ROCK1: variants seen among roughly 807,000 people sequenced by gnomAD.
ROCK1 encodes Rho associated coiled-coil containing protein kinase 1.
In ROCK1, 36 loss-of-function variants were observed where a neutral mutation model predicts 196.8. The observed-to-expected ratio is 0.18, with a 90% confidence interval of 0.14 to 0.24. The LOEUF (loss-of-function observed/expected upper bound fraction) is 0.24. Ranked by LOEUF, ROCK1 falls within the 10% of genes least tolerant of loss-of-function variation. The pLI, the probability that ROCK1 is intolerant of heterozygous loss-of-function variation, is 1.00. For synonymous variants in ROCK1, 443 were observed against 515.9 expected, an observed-to-expected ratio of 0.86 and a Z score of 1.91; for missense variants, 920 against 1,562.0, an observed-to-expected ratio of 0.59 and a Z score of 6.93.
At chr18:21,026,728 A>C (rs182554045) in intron 10 of ROCK1, among the ~76,000 whole-genome samples, 5 of 152,208 alleles carry the variant, frequency 3.3e-5, no homozygotes, top group Admixed American at 3.3e-4. Context: ...AAGACCCTTC[A>C]CTTTAAAATA....
At chr18:20,957,972 G>A (rs188733724) in intron 29 of ROCK1, among the ~76,000 whole-genome samples, 85 of 152,148 alleles carry the variant, frequency 5.6e-4, no homozygotes, top group Non-Finnish European at 1.1e-3. Context: ...AAAGAAATAC[G>A]ATTTTTTTAA....
chr18:21,094,110 T>C (rs1225813204), intron 1 of ROCK1, among the ~76,000 whole-genome samples: 1 of 152,198 alleles, frequency 6.6e-6, no homozygotes, highest in East Asian at 1.9e-4. Flanking sequence ...TCCAGTGCTG[T>C]AGGCAGCCAT....
intron 9 of ROCK1, among the ~76,000 whole-genome samples, chr18:21,037,845 T>C (rs1236049745): frequency 2.6e-5 from 4 of 152,098 alleles, no homozygotes; most frequent in Admixed American, 6.6e-5. Flanking sequence ...GTGTCTGAAA[T>C]TGAACAGTGA....
intron 29 of ROCK1, among the ~76,000 whole-genome samples, chr18:20,959,106 T>TATAAA (rs1370242195): frequency 2.2e-5 from 1 of 45,372 alleles, no homozygotes; most frequent in Non-Finnish European, 3.1e-5. Context: ...ATATATATTA[T>TATAAA]ATATATATTA....
rs114824452 is a variant in ROCK1 at position 21,020,035 on chromosome 18, G to A, written c.1361+116C>T. On this transcript the variant is annotated intron_variant, in intron 12 of 32. Transcript: ENST00000399799. ...ACACATCATGAATGTATTATCAGTA[G>A]TAATCTTTACATCCTCATTTTCTAT... 3.3e-3 allele frequency: 1,832 copies of A among 563,378 alleles called. 25 individuals are homozygous for A. In the African/African-American group the frequency reaches 0.033, roughly 10 times the overall value. The allele number at this position is 563,378 out of a possible 1,614,324, so 34.9% of individuals were successfully genotyped here. A position where few individuals can be genotyped will look rare whatever the true frequency, so the allele number is the denominator to read the frequency against.
intron 21 of ROCK1, among the ~76,000 whole-genome samples, chr18:20,981,912 T>C (rs1314202400): frequency 6.6e-6 from 1 of 152,230 alleles, no homozygotes; most frequent in African/African-American, 2.4e-5. Flanking sequence ...AATAATCTGA[T>C]TTGAAAACCC....
chr18:21,067,832 C>T (rs1222556944), intron 2 of ROCK1, among the ~76,000 whole-genome samples: 1 of 152,154 alleles, frequency 6.6e-6, no homozygotes, highest in African/African-American at 2.4e-5. Flanking sequence ...AGATTTCAAC[C>T]TATGTTTTCT....
At chr18:20,959,092 TAATATATATATTA>T (rs2035290790) in intron 29 of ROCK1, among the ~76,000 whole-genome samples, 1 of 32,476 alleles carries the variant, frequency 3.1e-5, no homozygotes, top group Non-Finnish European at 4.6e-5. Context: ...ATATTTTATA[TAATATATATATTA>T]TATATATATT....
Position 20,969,108 on chromosome 18 carries a change from T to C in ROCK1, c.2914+7A>G. The C allele has an allele frequency of 6.5e-7, 1 of 1,539,118 alleles. No homozygotes were observed. Among genetic ancestry groups the C allele is most frequent in the Non-Finnish European group, 8.9e-7 (1 of 1,121,616 alleles). On this transcript the variant is annotated splice_region_variant and intron_variant, in intron 24 of 32. Coordinates refer to ENST00000399799, the MANE Select transcript of ROCK1 (RefSeq NM_005406.3). The stretch of plus-strand genomic sequence containing the variant: ...TAACATGATGATTTTTTAAAAATTC[T>C]ACATACCTTCCTCTGCCTTCTTCAT...
At chr18:20,959,063 T>TATATATA (rs1568367312) in intron 29 of ROCK1, among the ~76,000 whole-genome samples, 1 of 48,046 alleles carries the variant, frequency 2.1e-5, no homozygotes, top group African/African-American at 2.1e-4. Flanking sequence ...TATATTATAT[T>TATATATA]TTATATTATA....
chr18:21,064,144 G>T (rs1372924922), intron 2 of ROCK1, among the ~76,000 whole-genome samples: 2 of 151,982 alleles, frequency 1.3e-5, no homozygotes, highest in African/African-American at 4.8e-5. Flanking sequence ...AAAAGCCCCA[G>T]CCTGCCATTT....
intron 22 of ROCK1, among the ~76,000 whole-genome samples, chr18:20,972,644 C>G (rs984005537): frequency 3.3e-5 from 5 of 152,128 alleles, no homozygotes; most frequent in Non-Finnish European, 5.9e-5. Flanking sequence ...GACATTTTCT[C>G]AAGAGAGTAA....
chr18:21,074,975 T>C (rs1180302798), intron 1 of ROCK1, among the ~76,000 whole-genome samples: 2 of 152,012 alleles, frequency 1.3e-5, no homozygotes, highest in Admixed American at 1.3e-4. Flanking sequence ...AGAATGAGGA[T>C]AGAATGTTCT....
At chr18:20,990,614 A>C (rs1224080963) in intron 18 of ROCK1, among the ~76,000 whole-genome samples, 1 of 144,764 alleles carries the variant, frequency 6.9e-6, no homozygotes, top group African/African-American at 2.6e-5. Context: ...GAATTGCTTG[A>C]ACCTGGAGGC....
At chr18:20,997,929 C>G (rs904093431) in intron 16 of ROCK1, among the ~76,000 whole-genome samples, 4 of 151,720 alleles carry the variant, frequency 2.6e-5, no homozygotes, top group African/African-American at 9.7e-5. Context: ...TTCCGACTCC[C>G]GGGTTCAAGC....
At chr18:21,017,759 C>T (rs1188345585) in intron 12 of ROCK1, among the ~76,000 whole-genome samples, 1 of 151,384 alleles carries the variant, frequency 6.6e-6, no homozygotes, top group Non-Finnish European at 1.5e-5. Flanking sequence ...GATCAAAAGG[C>T]CAGGAGATCG....
intron 24 of ROCK1, 36 bp downstream of exon 24, chr18:20,969,074 AATTTG>A: frequency 7.8e-7 from 1 of 1,279,532 alleles, no homozygotes; most frequent in Non-Finnish European, 1.1e-6. Flanking sequence ...TAAATCACTG[AATTTG>A]ATTTAACATG....
chr18:20,962,628 T>A (rs533905164), intron 27 of ROCK1, among the ~76,000 whole-genome samples: 1 of 152,160 alleles, frequency 6.6e-6, no homozygotes, highest in Non-Finnish European at 1.5e-5. Flanking sequence ...AGAAATTTTA[T>A]ATATCAAGGG....
At chr18:21,072,131 T>C (rs977966382) in intron 1 of ROCK1, among the ~76,000 whole-genome samples, 5 of 152,204 alleles carry the variant, frequency 3.3e-5, no homozygotes, top group Non-Finnish European at 7.3e-5. Context: ...CCAAAGTACT[T>C]TTGTTGTTGT....
Sources: gnomAD v4.1 joint callset for allele counts (sites outside exome capture counted in the v4.1 genomes callset) on GRCh38, gnomAD v4.1.1 for gene constraint, MANE v1.5 for transcripts, NCBI Gene and HGNC (gene_info 2026-07-23, HGNC 2026-07-21) for gene names.